Variants in TRABD2B observed in about 807,000 individuals in gnomAD.
The protein encoded by TRABD2B is metalloprotease TIKI2.
TRABD2B carries 14 observed loss-of-function variants against 40.1 expected under a neutral mutation model. That is an observed-to-expected ratio of 0.35 (90% confidence interval 0.23 to 0.55). TRABD2B has a LOEUF of 0.55. Among genes scored for constraint, TRABD2B ranks in the 20% least tolerant of loss-of-function variants. The pLI, the probability that TRABD2B is intolerant of heterozygous loss-of-function variation, is 0.90. For missense variants in TRABD2B, 541 were observed against 648.6 expected (o/e 0.83, Z 1.80); for synonymous variants, 263 against 277.0 (o/e 0.95, Z 0.50).
At chr1:47,978,815 A>G (rs1474123646) in intron 2 of TRABD2B, among the ~76,000 whole-genome samples, 1 of 152,182 alleles carries the variant, frequency 6.6e-6, no homozygotes, top group Non-Finnish European at 1.5e-5. Flanking sequence ...TATTGGTTTT[A>G]GCAGCTTTCA....
At chr1:47,806,091 A>C (rs1392660601) in intron 2 of TRABD2B, among the ~76,000 whole-genome samples, 2 of 152,226 alleles carry the variant, frequency 1.3e-5, no homozygotes, top group African/African-American at 4.8e-5. Flanking sequence ...TACGTCTGGC[A>C]CCGGACCAGG....
At chr1:47,798,072 A>G (rs976905720) in intron 3 of TRABD2B, among the ~76,000 whole-genome samples, 1 of 152,118 alleles carries the variant, frequency 6.6e-6, no homozygotes, top group Admixed American at 6.5e-5. Context: ...GTGTTGGGCT[A>G]GGGGGCCTGA....
At chr1:47,982,880 T>C (rs1180852377) in intron 2 of TRABD2B, among the ~76,000 whole-genome samples, 1 of 151,916 alleles carries the variant, frequency 6.6e-6, no homozygotes, top group Non-Finnish European at 1.5e-5. Flanking sequence ...TCAAAAAGCC[T>C]CCCCACAAAA....
chr1:47,969,129 A>G (rs1168759605), intron 2 of TRABD2B, among the ~76,000 whole-genome samples: 3 of 152,214 alleles, frequency 2.0e-5, no homozygotes, highest in Non-Finnish European at 4.4e-5. Flanking sequence ...TTAACATAGG[A>G]GCTCTGCTCA....
chr1:47,993,004 C>T (rs900409168), intron 2 of TRABD2B, among the ~76,000 whole-genome samples: 6 of 152,224 alleles, frequency 3.9e-5, no homozygotes, highest in African/African-American at 1.4e-4. Flanking sequence ...CCGCTGTTTC[C>T]CTGGTGAAGA....
At chr1:47,955,956 T>C (rs1020884482) in intron 2 of TRABD2B, among the ~76,000 whole-genome samples, 6 of 152,214 alleles carry the variant, frequency 3.9e-5, no homozygotes, top group African/African-American at 1.4e-4. Flanking sequence ...GCTTGGCACA[T>C]AGATGAATCT....
chr1:47,920,241 G>T (rs1401772420), intron 2 of TRABD2B, among the ~76,000 whole-genome samples: 1 of 152,208 alleles, frequency 6.6e-6, no homozygotes, highest in African/African-American at 2.4e-5. Context: ...TGAAGGCAGT[G>T]AAATTCAGAG....
chr1:47,894,469 T>C (rs1644490494), intron 2 of TRABD2B, among the ~76,000 whole-genome samples: 1 of 152,120 alleles, frequency 6.6e-6, no homozygotes. Context: ...TACATTCCAG[T>C]GGGGAGACAC....
intron 2 of TRABD2B, among the ~76,000 whole-genome samples, chr1:47,828,254 C>T (rs12084724): frequency 0.31 from 47,423 of 152,016 alleles, 7,756 homozygotes; most frequent in Non-Finnish European, 0.37. Context: ...GTCCCCCTCG[C>T]TGGCTGGTCC....
Position 47,996,751 on chromosome 1 carries a change from GAGGGCGGCGAGCAGCGGCCCCGCC to G in TRABD2B, c.15_38del (p.Ala6_Leu13del). 4.1e-6 allele frequency: 5 copies of G among 1,222,312 alleles called. No individual in the cohort carries two copies. Among genetic ancestry groups the G allele is most frequent in the East Asian group, 6.5e-5 (2 of 30,830 alleles). The allele number at this position is 1,222,312 out of a possible 1,614,324, so 75.7% of individuals were successfully genotyped here. A position where few individuals can be genotyped will look rare whatever the true frequency, so the allele number is the denominator to read the frequency against. On this transcript the variant is annotated inframe_deletion, in exon 1 of 7. Coordinates refer to ENST00000606738, the MANE Select transcript of TRABD2B (RefSeq NM_001194986.2). This position sits in a 1 kb window ranked among gnomAD's most constrained non-coding sequence, Gnocchi z 4.6. Reference sequence around the variant, plus strand: ...GCGGGCGGGCGCGAGCGGTGGCGAGGAGGGCGGCGAGCAGCGGCCCCGCCAGGGCGGCGTGCATCCTGCCAGGGC... The same window carrying G: ...GCGGGCGGGCGCGAGCGGTGGCGAGGAGGGCGGCGTGCATCCTGCCAGGGC...
intron 2 of TRABD2B, among the ~76,000 whole-genome samples, chr1:47,916,704 C>G (rs1263602808): frequency 6.6e-6 from 1 of 152,224 alleles, no homozygotes; most frequent in Non-Finnish European, 1.5e-5. Flanking sequence ...AGGACATGGG[C>G]CAGCAGTGGG....
At chr1:47,801,849 C>G (rs970544336) in intron 2 of TRABD2B, among the ~76,000 whole-genome samples, 1 of 152,208 alleles carries the variant, frequency 6.6e-6, no homozygotes, top group Non-Finnish European at 1.5e-5. Context: ...ACACAGGTCC[C>G]CATTCCTGCT....
At chr1:47,785,384 TG>T (rs1644582035) in intron 4 of TRABD2B, among the ~76,000 whole-genome samples, 2 of 152,186 alleles carry the variant, frequency 1.3e-5, no homozygotes, top group Admixed American at 1.3e-4. Flanking sequence ...GGGGAACTGC[TG>T]TGTCTGGGTG....
chr1:47,827,077 A>G (rs2124433421), intron 2 of TRABD2B, among the ~76,000 whole-genome samples: 1 of 152,226 alleles, frequency 6.6e-6, no homozygotes, highest in East Asian at 1.9e-4. Flanking sequence ...GTGTGACTGT[A>G]GGGTGGGGAG....
chr1:47,960,580 G>C (rs1570371333), intron 2 of TRABD2B, among the ~76,000 whole-genome samples: 2 of 151,876 alleles, frequency 1.3e-5, no homozygotes, highest in Non-Finnish European at 1.5e-5. Context: ...AACAGACAGA[G>C]AGCCAAATCA....
chr1:47,830,092 G>T (rs571178957), intron 2 of TRABD2B, among the ~76,000 whole-genome samples: 14 of 152,178 alleles, frequency 9.2e-5, no homozygotes, highest in African/African-American at 2.6e-4. Flanking sequence ...TGCCTGGTCA[G>T]AAGTGCTCCT....
chr1:47,925,170 CCTT>C (rs1644953322), intron 2 of TRABD2B, among the ~76,000 whole-genome samples: 1 of 152,186 alleles, frequency 6.6e-6, no homozygotes, highest in African/African-American at 2.4e-5. Context: ...GACTTCCAGT[CCTT>C]CTTGTTACTC....
rs1175486053 is a variant in TRABD2B, at chr1:47,760,607, T to G, written c.*5295A>C. 2 of 152,250 alleles carry G rather than the reference T, an allele frequency of 1.3e-5. No homozygotes were observed. Among genetic ancestry groups the G allele is most frequent in the East Asian group, 3.8e-4 (2 of 5,204 alleles). 9.4% of individuals were successfully genotyped at this position (152,250 alleles called of 1,614,324 possible). A position where few individuals can be genotyped will look rare whatever the true frequency, so the allele number is the denominator to read the frequency against. ...AAATAACATTAATAGCATCTTTCTT[T>G]GTCTTCTATTTATACTCTTAAAGGA... On this transcript the variant is annotated 3_prime_UTR_variant, in exon 7 of 7. Coordinates refer to ENST00000606738, the MANE Select transcript of TRABD2B (RefSeq NM_001194986.2).
Position 47,764,768 on chromosome 1 carries a change from A to G in TRABD2B, c.*1134T>C, listed in dbSNP as rs1195691387. 6.6e-6 allele frequency: 1 copy of G among 152,094 alleles called. No homozygotes were observed. The highest frequency in any genetic ancestry group is 2.4e-5 in the African/African-American group (1 of 41,390). 9.4% of individuals were successfully genotyped at this position (152,094 alleles called of 1,614,324 possible). A position where few individuals can be genotyped will look rare whatever the true frequency, so the allele number is the denominator to read the frequency against. On this transcript the variant is annotated 3_prime_UTR_variant, in exon 7 of 7. Transcript: ENST00000606738. ...GGCAGAACAGGGAACAGGAGGCAGGAATTGTTTTGCATCACACTGATCTGG... is the reference window on the plus strand; with the variant it reads ...GGCAGAACAGGGAACAGGAGGCAGGGATTGTTTTGCATCACACTGATCTGG...
Sources: allele counts gnomAD v4.1 joint callset (sites outside exome capture counted in the v4.1 genomes callset), GRCh38; gene constraint gnomAD v4.1.1; non-coding constraint Gnocchi (gnomAD v3.1); transcripts MANE v1.5; gene names NCBI Gene and HGNC (gene_info 2026-07-23, HGNC 2026-07-21).